THBS4: variants seen among roughly 807,000 people sequenced by gnomAD.
The protein encoded by THBS4 is thrombospondin 4.
Under a neutral mutation model 115.7 loss-of-function variants are expected in THBS4, and 90 were observed. That is an observed-to-expected ratio of 0.78 (90% CI 0.66 to 0.93). The LOEUF (loss-of-function observed/expected upper bound fraction) is 0.93, where lower values mean the gene tolerates loss of function less well. THBS4 is among the 40% of genes least tolerant of loss of function. The pLI is 0.00. For synonymous variants in THBS4, 460 were observed against 479.3 expected (o/e 0.96, Z 0.53); for missense variants, 1,087 against 1,232.7 (o/e 0.88, Z 1.77).
rs536099381 is a variant in THBS4, at chr5:80,040,101, G to C, written c.113G>C (p.Ser38Thr). The C allele has an allele frequency of 6.2e-7, 1 of 1,613,290 alleles. No homozygotes were observed. The highest frequency in any genetic ancestry group is 1.1e-5 in the South Asian group (1 of 91,062). ...PQVFDLLPSS[S>T]QRLNPGALLP... ...GTCTTTGACCTTCTCCCATCTTCCAGTCAGAGGCTAAACCCAGGCGCTCTG... is the reference window on the plus strand; with the variant it reads ...GTCTTTGACCTTCTCCCATCTTCCACTCAGAGGCTAAACCCAGGCGCTCTG... The change falls in exon 2 of 22, where the codon AGT becomes ACT. Residue 38 changes from serine (S) to threonine (T), a missense_variant. By Grantham distance (58) the Ser-to-Thr change is moderately conservative. This residue lies in a region of THBS4 where 979 missense variants were observed against 1,103.7 expected (regional missense o/e 0.89). Coordinates refer to ENST00000350881, the MANE Select transcript of THBS4 (RefSeq NM_003248.6).
At chr5:80,070,860 C>G (rs1005691977) in intron 12 of THBS4, 110 bp downstream of exon 12, 2 of 1,548,312 alleles carry the variant, frequency 1.3e-6, no homozygotes, top group African/African-American at 2.7e-5. Flanking sequence ...AGTTTCCATG[C>G]CTGCATTCCA....
chr5:80,037,570 A>G (rs1047547958), intron 1 of THBS4, among the ~76,000 whole-genome samples: 1 of 152,204 alleles, frequency 6.6e-6, no homozygotes, highest in Admixed American at 6.5e-5. Flanking sequence ...TATGTTCATT[A>G]CTAACTAATC....
chr5:80,078,055 G>A lies in THBS4; in HGVS notation c.2093G>A (p.Gly698Glu). ...CTTTCTCCACCCCACTCAGGCGACG[G>A]AGTGGGAGACATCTGTGAGTCTGAC... ...NPAQEDSNSD[G>E]VGDICESDFD... Residue 698 changes from glycine to glutamate, a missense_variant, in exon 17 of 22, where the codon GGA (glycine) becomes GAA (glutamate). Physicochemically the swap from Gly to Glu is moderately conservative, Grantham distance 98 (BLOSUM62 -2). Transcript: ENST00000350881. The A allele has an allele frequency of 5.1e-6, 8 of 1,584,140 alleles. No homozygotes were observed. Among genetic ancestry groups the A allele is most frequent in the Non-Finnish European group, 6.9e-6 (8 of 1,159,478 alleles).
At chr5:80,006,260 C>T (rs914137874) in intron 2 of THBS4, among the ~76,000 whole-genome samples, 7 of 152,170 alleles carry the variant, frequency 4.6e-5, no homozygotes, top group Non-Finnish European at 5.9e-5. Flanking sequence ...ATTGTACTCC[C>T]ATAATTCCCA....
intron 15 of THBS4, chr5:80,075,315 AGAG>A (rs1442667862): frequency 6.6e-6 from 1 of 152,214 alleles, no homozygotes; most frequent in African/African-American, 2.4e-5. Flanking sequence ...TCATCTGCAA[AGAG>A]GAGATAAATA....
chr5:80,076,777 A>G, intron 15 of THBS4, 78 bp from the exon 16 acceptor site: 1 of 1,349,836 alleles, frequency 7.4e-7, no homozygotes, highest in Non-Finnish European at 9.7e-7. Context: ...CCTCAAGCAC[A>G]GACTCTCCTT....
At chr5:80,051,929 AGTTT>A (rs1833270815) in intron 2 of THBS4, among the ~76,000 whole-genome samples, 1 of 152,206 alleles carries the variant, frequency 6.6e-6, no homozygotes, top group South Asian at 2.1e-4. Context: ...CAGAAATCTT[AGTTT>A]GAGGAAGAAA....
chr5:80,010,502 A>G (rs370557950), intron 2 of THBS4, among the ~76,000 whole-genome samples: 22 of 152,206 alleles, frequency 1.4e-4, no homozygotes, highest in East Asian at 9.6e-4. Flanking sequence ...CACATGGTCA[A>G]AGCTCACTCA....
intron 17 of THBS4, 66 bp downstream of exon 17, chr5:80,078,293 AG>A (rs906052607): frequency 1.4e-6 from 2 of 1,385,374 alleles, no homozygotes; most frequent in Admixed American, 4.9e-5. Flanking sequence ...TGATAGTGGT[AG>A]GTCATGTTTA....
intron 2 of THBS4, among the ~76,000 whole-genome samples, chr5:80,051,167 TC>T (rs1302068471): frequency 6.6e-6 from 1 of 152,142 alleles, no homozygotes; most frequent in Non-Finnish European, 1.5e-5. Context: ...CTCTTCCCCT[TC>T]CCAGTGATGC....
intron 10 of THBS4, among the ~76,000 whole-genome samples, chr5:80,069,804 G>C (rs891622101): frequency 6.6e-6 from 1 of 152,236 alleles, no homozygotes; most frequent in Non-Finnish European, 1.5e-5. Flanking sequence ...CCTGGTTGCA[G>C]AGGGAGAGCA....
At chr5:80,002,924 A>G (rs78090677) in intron 2 of THBS4, among the ~76,000 whole-genome samples, 145 of 141,570 alleles carry the variant, frequency 1.0e-3, no homozygotes, top group African/African-American at 3.6e-3. Flanking sequence ...AGATCATTTG[A>G]AAAAAAAAAA....
chr5:80,029,041 C>G (rs9293797), intron 2 of THBS4, among the ~76,000 whole-genome samples: 44,330 of 152,052 alleles, frequency 0.29, 6,649 homozygotes, highest in Middle Eastern at 0.38. Context: ...AACATGCCCC[C>G]AGGAAATGAA....
At chr5:80,072,119 A>G (rs1251581584) in intron 13 of THBS4, 159 bp from the exon 14 acceptor site, 2 of 679,722 alleles carry the variant, frequency 2.9e-6, no homozygotes, top group East Asian at 2.5e-5. Flanking sequence ...GTCTCCCAGA[A>G]TCCGTCCTTT....
intron 2 of THBS4, among the ~76,000 whole-genome samples, chr5:80,019,411 C>T (rs1375530387): frequency 6.6e-6 from 1 of 152,118 alleles, no homozygotes; most frequent in African/African-American, 2.4e-5. Flanking sequence ...TTGGGAGTCA[C>T]TTAAGAAAAT....
chr5:79,998,331 G>A (rs1831836516), intron 1 of THBS4: 2 of 152,768 alleles, frequency 1.3e-5, no homozygotes, highest in African/African-American at 2.4e-5. Context: ...TCCTGCTCCA[G>A]CTGTGTGGGA....
At position 80,080,579 on chromosome 5, in the gene THBS4, C is replaced by CTTTTTTTTTTTTTTTTTTTTT. The variant is rs67048630; in HGVS notation, c.2684+507_2684+527dup. On this transcript the variant is annotated intron_variant, in intron 20 of 21. Transcript: ENST00000350881. ...AACTGCATGAGAGCAGCGCTTGTAT[C>CTTTTTTTTTTTTTTTTTTTTT]TTTTTTTTTTTTTTTTTTTTTTTTT... Among the ~76,000 whole-genome samples the CTTTTTTTTTTTTTTTTTTTTT allele has an allele frequency of 4.7e-3, 236 of 50,484 alleles. 52 individuals are homozygous for CTTTTTTTTTTTTTTTTTTTTT. The highest frequency in any genetic ancestry group is 0.011 in the East Asian group (12 of 1,050). The allele number at this position is 50,484 out of a possible 152,430, so 33.1% of individuals were successfully genotyped here.
In THBS4 at chr5:80,079,923, G is replaced by A; in HGVS notation, c.2530G>A (p.Gly844Ser). The change falls in exon 20 of 22, where the codon GGT becomes AGT. Residue 844 changes from glycine to serine, a missense_variant. Gly to Ser is a moderately conservative substitution (Grantham distance 56). Around this residue, in one of 3 missense-constraint regions of THBS4, gnomAD observed 979 missense variants for 1,103.7 expected, o/e 0.89. Transcript: ENST00000350881. The stretch of plus-strand genomic sequence containing the variant: ...CATGCAGGCTGTGAAGTCTAAGACA[G>A]GTCCAGGGGAGCATCTCCGGAACTC... Reference protein sequence around the residue: ...IQLKAVKSKTGPGEHLRNSLW... With the variant: ...IQLKAVKSKTSPGEHLRNSLW... 6.2e-7 allele frequency: 1 copy of A among 1,614,132 alleles called. No individual in the cohort carries two copies. The highest frequency in any genetic ancestry group is 8.5e-7 in the Non-Finnish European group (1 of 1,180,006).
At position 80,072,395 on chromosome 5, in the gene THBS4, A is replaced by G. The variant is rs1834099037; in HGVS notation, c.1838A>G (p.Gln613Arg). ...TGTCCTGATGTCAGCAACCCTAACC[A>G]GGTTAGTAGGATACTGGGGAATTCA... The part of the protein sequence containing the change: ...DSCPDVSNPN[Q>R]SDVDNDLVGD... Residue 613 changes from glutamine to arginine, a missense_variant and splice_region_variant, in exon 14 of 22, where the codon CAG (glutamine) becomes CGG (arginine). Physicochemically the swap from Gln to Arg is conservative, Grantham distance 43. Transcript: ENST00000350881. 1.2e-6 allele frequency: 2 copies of G among 1,612,692 alleles called. No individual in the cohort carries two copies. The highest frequency in any genetic ancestry group is 1.7e-4 in the Middle Eastern group (1 of 6,058).
Sources: allele counts gnomAD v4.1 joint callset (sites outside exome capture counted in the v4.1 genomes callset), GRCh38; gene constraint gnomAD v4.1.1; regional missense constraint gnomAD v4.1.1; transcripts MANE v1.5; gene names NCBI Gene and HGNC (gene_info 2026-07-23, HGNC 2026-07-21).